The following EYA1 variants were observed in gnomAD, a reference collection of about 807,000 sequenced individuals.
EYA1 encodes EYA transcriptional coactivator and phosphatase 1.
In EYA1, 16 loss-of-function variants were observed where a neutral mutation model predicts 82.0. That is an observed-to-expected ratio of 0.20 (90% confidence interval 0.13 to 0.30). The LOEUF is 0.30. Ranked by LOEUF, EYA1 falls within the 10% of genes least tolerant of loss-of-function variation. The pLI is 1.00. For synonymous variants in EYA1, 261 were observed against 264.4 expected (o/e 0.99, Z 0.12); for missense variants, 633 against 730.7 (o/e 0.87, Z 1.54).
intron 4 of EYA1, among the ~76,000 whole-genome samples, chr8:71,329,667 TCAAATATGTGGCACATATTAGG>T (rs1488637744): frequency 5.3e-5 from 8 of 152,268 alleles, no homozygotes; most frequent in Admixed American, 1.3e-4. Context: ...TTTCTTTAAT[TCAAATATGTGGCACATATTAGG>T]CAAATATGTG....
At chr8:71,291,292 A>G (rs1382478887) in intron 9 of EYA1, among the ~76,000 whole-genome samples, 1 of 152,174 alleles carries the variant, frequency 6.6e-6, no homozygotes, top group Non-Finnish European at 1.5e-5. Context: ...CCCCTTTTTC[A>G]GGCGCTTTGC....
intron 2 of EYA1, among the ~76,000 whole-genome samples, chr8:71,485,600 G>A (rs1328220441): frequency 6.6e-6 from 1 of 152,084 alleles, no homozygotes; most frequent in Non-Finnish European, 1.5e-5. Flanking sequence ...TTACTAGTTT[G>A]GGGAGCTACC....
rs1563640219 is a variant in EYA1, at chr8:71,463,627, CTCTCT to C, written c.33+72112_33+72116del. ...TCTCTCTCTCTCTCTCTCTCTCTCT[CTCTCT>C]CCCTCCCTCCCCCCTCCCACACACA... On this transcript the variant is annotated intron_variant, in intron 2 of 18. Coordinates refer to the EYA1 transcript ENST00000643681. Among the ~76,000 whole-genome samples the C allele has an allele frequency of 1.4e-3, 152 of 107,340 alleles. 9 individuals carry two copies. Among genetic ancestry groups the C allele is most frequent in the African/African-American group, 4.5e-3 (98 of 21,748 alleles). 70.4% of individuals were successfully genotyped at this position (107,340 alleles called of 152,430 possible). A position where few individuals can be genotyped will look rare whatever the true frequency, so the allele number is the denominator to read the frequency against.
intron 3 of EYA1, among the ~76,000 whole-genome samples, chr8:71,338,330 A>C (rs1824734188): frequency 6.6e-6 from 1 of 152,260 alleles, no homozygotes. Flanking sequence ...TATTTTCTGA[A>C]GAAACAGGCT....
intron 7 of EYA1, among the ~76,000 whole-genome samples, chr8:71,311,551 T>A (rs1821344336): frequency 1.3e-5 from 2 of 152,168 alleles, no homozygotes. Context: ...TTGTCAATGG[T>A]GTGTGAAGAA....
intron 9 of EYA1, among the ~76,000 whole-genome samples, chr8:71,294,538 C>G (rs976982288): frequency 6.6e-6 from 1 of 151,912 alleles, no homozygotes; most frequent in Non-Finnish European, 1.5e-5. Context: ...AGAGGTGTAA[C>G]TCTAAAAATT....
intron 12 of EYA1, among the ~76,000 whole-genome samples, chr8:71,219,354 G>A (rs756654290): frequency 6.6e-6 from 1 of 152,048 alleles, no homozygotes; most frequent in Non-Finnish European, 1.5e-5. Flanking sequence ...CAGAATTTCT[G>A]TAGAATGATT....
chr8:71,235,343 T>C (rs1278331177), intron 12 of EYA1, among the ~76,000 whole-genome samples: 1 of 152,224 alleles, frequency 6.6e-6, no homozygotes, highest in Non-Finnish European at 1.5e-5. Flanking sequence ...CGCTCTTCCC[T>C]AGTTACTCTG....
chr8:71,501,140 C>G (rs1354371507), intron 2 of EYA1, among the ~76,000 whole-genome samples: 2 of 152,200 alleles, frequency 1.3e-5, no homozygotes, highest in Non-Finnish European at 2.9e-5. Flanking sequence ...CTACAAGTCA[C>G]TTGATATGAC....
chr8:71,421,266 A>C (rs1831133044), intron 2 of EYA1, among the ~76,000 whole-genome samples: 1 of 152,208 alleles, frequency 6.6e-6, no homozygotes, highest in Non-Finnish European at 1.5e-5. Flanking sequence ...CCTGAAACTT[A>C]GATGAATGTT....
intron 2 of EYA1, among the ~76,000 whole-genome samples, chr8:71,507,420 A>T (rs963071967): frequency 6.6e-6 from 1 of 152,148 alleles, no homozygotes; most frequent in African/African-American, 2.4e-5. Flanking sequence ...TTTCTAACAA[A>T]CTGTCTTGGC....
At chr8:71,264,928 G>A (rs1035366318) in intron 11 of EYA1, among the ~76,000 whole-genome samples, 2 of 152,132 alleles carry the variant, frequency 1.3e-5, no homozygotes, top group Non-Finnish European at 2.9e-5. Flanking sequence ...CGCAAGTCAC[G>A]TAGCTGGCTT....
chr8:71,242,872 G>A (rs527890162), intron 12 of EYA1, among the ~76,000 whole-genome samples: 3 of 150,884 alleles, frequency 2.0e-5, no homozygotes, highest in Non-Finnish European at 4.4e-5. Flanking sequence ...CTGCCTCCCG[G>A]GCTCAAGTGA....
chr8:71,431,304 G>A (rs1805601331), intron 2 of EYA1, among the ~76,000 whole-genome samples: 1 of 152,064 alleles, frequency 6.6e-6, no homozygotes, highest in South Asian at 2.1e-4. Flanking sequence ...CATGACCTAT[G>A]GAAAAATCAC....
chr8:71,271,453 T>C (rs1384833920), intron 10 of EYA1, among the ~76,000 whole-genome samples: 2 of 152,202 alleles, frequency 1.3e-5, no homozygotes, highest in African/African-American at 2.4e-5. Context: ...TTAATTAAAA[T>C]GGCAATGATA....
intron 3 of EYA1, among the ~76,000 whole-genome samples, chr8:71,346,014 G>A (rs538255957): frequency 1.8e-4 from 27 of 151,012 alleles, no homozygotes; most frequent in South Asian, 1.3e-3. Context: ...ACGTGCACAC[G>A]TGCGCGCACA....
chr8:71,276,759 G>A (rs576638166), intron 9 of EYA1, among the ~76,000 whole-genome samples: 3 of 152,252 alleles, frequency 2.0e-5, no homozygotes, highest in South Asian at 2.1e-4. Context: ...AAACAGGAAC[G>A]ACAGTCTAGA....
chr8:71,464,053 C>T (rs1808604624), intron 2 of EYA1, among the ~76,000 whole-genome samples: 1 of 152,130 alleles, frequency 6.6e-6, no homozygotes, highest in African/African-American at 2.4e-5. Context: ...AACAGATTTT[C>T]CTTAGGTAGT....
chr8:71,425,051 G>A (rs570666375), intron 2 of EYA1, among the ~76,000 whole-genome samples: 1 of 141,978 alleles, frequency 7.0e-6, no homozygotes, highest in Non-Finnish European at 1.5e-5. Context: ...ACGAGGTCAG[G>A]AGATCGAGAC....
Sources: allele counts gnomAD v4.1 joint callset (sites outside exome capture counted in the v4.1 genomes callset), GRCh38; gene constraint gnomAD v4.1.1; transcripts MANE v1.5; gene names NCBI Gene and HGNC (gene_info 2026-07-23, HGNC 2026-07-21).